The following TMEM273 variants were observed in gnomAD, a reference collection of about 807,000 sequenced individuals.
The protein encoded by TMEM273 is chromosome 10 open reading frame 128.
TMEM273 carries 19 observed loss-of-function variants against 17.9 expected under a neutral mutation model. The observed-to-expected ratio is 1.06, with a 90% CI of 0.74 to 1.55. TMEM273 has a LOEUF of 1.55. Among genes scored for constraint, TMEM273 ranks in the 40% most tolerant of loss-of-function variants. The pLI, the probability that TMEM273 is intolerant of heterozygous loss-of-function variation, is 0.00. For synonymous variants in TMEM273, 66 were observed against 62.0 expected (o/e 1.07, Z -0.31); for missense variants, 194 against 155.6 (o/e 1.25, Z -1.31).
At chr10:49,167,986 C>A (rs759351917) in intron 1 of TMEM273, 24 bp from the exon 2 acceptor site, 15 of 1,613,814 alleles carry the variant, frequency 9.3e-6, no homozygotes, top group Non-Finnish European at 1.2e-5. Flanking sequence ...AACCCCAGAG[C>A]CTGGTTAGAA....
chr10:49,178,619 C>A (rs1847150614), intron 1 of TMEM273, among the ~76,000 whole-genome samples: 1 of 152,158 alleles, frequency 6.6e-6, no homozygotes, highest in Non-Finnish European at 1.5e-5. Flanking sequence ...TACTTGCTGG[C>A]AGCAATAGGA....
intron 1 of TMEM273, among the ~76,000 whole-genome samples, chr10:49,186,120 GAAA>G (rs777657097): frequency 0.015 from 2,029 of 135,008 alleles, 39 homozygotes; most frequent in African/African-American, 0.018. Flanking sequence ...GGAAGAAGAA[GAAA>G]AAGAGGAAGA....
intron 5 of TMEM273, among the ~76,000 whole-genome samples, chr10:49,161,859 G>C (rs1236362208): frequency 1.3e-5 from 2 of 152,114 alleles, no homozygotes; most frequent in African/African-American, 2.4e-5. Context: ...GCCAAGAACA[G>C]CTCCCTGCAC....
intron 3 of TMEM273, 125 bp downstream of exon 3, chr10:49,166,744 C>T: frequency 7.0e-7 from 1 of 1,425,708 alleles, no homozygotes; most frequent in East Asian, 2.3e-5. Flanking sequence ...GAGGTCACTG[C>T]CTTCCTTTAC....
intron 1 of TMEM273, among the ~76,000 whole-genome samples, chr10:49,186,097 A>AAGAAGAAGAAGAAGAAGAAGAAGAGGG (rs1240618330): frequency 8.5e-6 from 1 of 117,054 alleles, no homozygotes; most frequent in South Asian, 3.2e-4. Flanking sequence ...GAAGAAGAAG[A>AAGAAGAAGAAGAAGAAGAAGAAGAGGG]AGAAGAAGAA....
intron 1 of TMEM273, among the ~76,000 whole-genome samples, chr10:49,172,368 GCCTTCCCCAAGCC>G (rs1846632917): frequency 6.6e-6 from 1 of 152,100 alleles, no homozygotes; most frequent in Non-Finnish European, 1.5e-5. Context: ...AAAGCTCAGC[GCCTTCCCCAAGCC>G]TCAGTCTCAC....
At chr10:49,165,102 A>G in intron 5 of TMEM273, 103 bp downstream of exon 5, 1 of 1,419,704 alleles carries the variant, frequency 7.0e-7, no homozygotes, top group Non-Finnish European at 9.2e-7. Context: ...AAAATAGACA[A>G]ATCAATATAT....
chr10:49,170,827 C>T (rs574599931), intron 1 of TMEM273, among the ~76,000 whole-genome samples: 2 of 152,250 alleles, frequency 1.3e-5, no homozygotes, highest in East Asian at 3.9e-4. Flanking sequence ...AGCAGCCTGG[C>T]CGGCCCCACC....
intron 5 of TMEM273, among the ~76,000 whole-genome samples, 190 bp from the exon 6 acceptor site, chr10:49,161,812 G>T (rs532731462): frequency 6.6e-6 from 1 of 152,266 alleles, no homozygotes; most frequent in East Asian, 1.9e-4. Flanking sequence ...CTCTCTGAAA[G>T]TCCCTCTATT....
chr10:49,164,980 C>T (rs988629338), intron 5 of TMEM273, among the ~76,000 whole-genome samples: 13 of 152,144 alleles, frequency 8.5e-5, no homozygotes, highest in African/African-American at 3.1e-4. Context: ...ATTCATTCAA[C>T]ACATATGCAA....
chr10:49,174,347 A>G (rs888275227), intron 1 of TMEM273, among the ~76,000 whole-genome samples: 1 of 152,208 alleles, frequency 6.6e-6, no homozygotes, highest in East Asian at 1.9e-4. Flanking sequence ...CCCAAGTGCA[A>G]TAGCACCTGT....
At chr10:49,174,156 T>G (rs1346593861) in intron 1 of TMEM273, among the ~76,000 whole-genome samples, 1 of 152,236 alleles carries the variant, frequency 6.6e-6, no homozygotes, top group African/African-American at 2.4e-5. Flanking sequence ...TGTGCTACCC[T>G]GCAATGTTAG....
chr10:49,163,090 C>T (rs1190543668), intron 5 of TMEM273, among the ~76,000 whole-genome samples: 5 of 152,010 alleles, frequency 3.3e-5, no homozygotes, highest in Non-Finnish European at 5.9e-5. Context: ...CCCCCTAGGG[C>T]TAGAAGAACA....
At chr10:49,186,966 G>A (rs1186263286) in intron 1 of TMEM273, among the ~76,000 whole-genome samples, 1 of 152,316 alleles carries the variant, frequency 6.6e-6, no homozygotes, top group East Asian at 1.9e-4. Context: ...TTATTTGTGA[G>A]ACTGGACATT....
At chr10:49,160,280 C>G (rs1365252971) in intron 6 of TMEM273, 2 of 152,086 alleles carry the variant, frequency 1.3e-5, no homozygotes, top group East Asian at 3.9e-4. Context: ...ACTCCCTTAA[C>G]CAAGCAAACG....
intron 1 of TMEM273, 117 bp downstream of exon 1, chr10:49,188,176 AT>A: frequency 8.8e-7 from 1 of 1,133,850 alleles, no homozygotes; most frequent in Non-Finnish European, 1.3e-6. Flanking sequence ...GAGAAACATC[AT>A]CTGTGTAAAG....
chr10:49,187,483 C>T (rs746635545), intron 1 of TMEM273, among the ~76,000 whole-genome samples: 5 of 152,188 alleles, frequency 3.3e-5, no homozygotes, highest in Admixed American at 6.5e-5. Context: ...TGGGAAGGAA[C>T]GTCTTTGTAT....
At chr10:49,174,885 T>C (rs1454413725) in intron 1 of TMEM273, among the ~76,000 whole-genome samples, 1 of 152,024 alleles carries the variant, frequency 6.6e-6, no homozygotes, top group African/African-American at 2.4e-5. Context: ...CAGGCAGTGA[T>C]TAAGGAATTC....
intron 6 of TMEM273, among the ~76,000 whole-genome samples, chr10:49,159,843 A>G (rs992383196): frequency 2.0e-5 from 3 of 152,204 alleles, no homozygotes; most frequent in Admixed American, 2.0e-4. Context: ...GAAGTCTAGC[A>G]TGTGCTCAAA....
Sources: gnomAD v4.1 joint callset for allele counts (sites outside exome capture counted in the v4.1 genomes callset) on GRCh38, gnomAD v4.1.1 for gene constraint, MANE v1.5 for transcripts, NCBI Gene and HGNC (gene_info 2026-07-23, HGNC 2026-07-21) for gene names.